Variants in RBFOX1 observed in about 807,000 individuals in gnomAD.
The protein encoded by RBFOX1 is RNA binding protein fox-1 homolog 1.
In RBFOX1, 8 loss-of-function variants were observed where a neutral mutation model predicts 57.7. The ratio of observed to expected loss-of-function variants is 0.14; its 90% confidence interval spans 0.08 to 0.25. The LOEUF (loss-of-function observed/expected upper bound fraction) is 0.25, where lower values mean the gene tolerates loss of function less well. Among genes scored for constraint, RBFOX1 ranks in the 10% least tolerant of loss-of-function variants. The pLI, the probability that RBFOX1 is intolerant of heterozygous loss-of-function variation, is 1.00. For missense variants in RBFOX1, 611 were observed against 548.5 expected (o/e 1.11, Z -1.14); for synonymous variants, 326 against 222.4 (o/e 1.47, Z -4.15).
At chr16:6,033,469 G>A (rs555117423) in intron 1 of RBFOX1, among the ~76,000 whole-genome samples, 37 of 152,190 alleles carry the variant, frequency 2.4e-4, no homozygotes, top group African/African-American at 8.7e-4. Context: ...TATTTTATGC[G>A]AATACAAACA....
intron 1 of RBFOX1, among the ~76,000 whole-genome samples, chr16:6,281,183 C>G (rs1490757298): frequency 8.6e-5 from 13 of 151,960 alleles, no homozygotes; most frequent in African/African-American, 2.9e-4. Flanking sequence ...TAAATTGATA[C>G]TGTGCAGCCA....
At chr16:6,546,041 A>C (rs2153837337) in intron 2 of RBFOX1, among the ~76,000 whole-genome samples, 1 of 152,322 alleles carries the variant, frequency 6.6e-6, no homozygotes. Context: ...ACAAACACTA[A>C]CAATAGCTGA....
At chr16:6,318,691 G>T (rs2081397037) in intron 2 of RBFOX1, among the ~76,000 whole-genome samples, 2 of 152,068 alleles carry the variant, frequency 1.3e-5, no homozygotes, top group East Asian at 3.9e-4. Flanking sequence ...ATGGATGTAA[G>T]GGAGCTCATG....
intron 3 of RBFOX1, among the ~76,000 whole-genome samples, chr16:5,779,065 T>G (rs534136730): frequency 6.6e-6 from 1 of 152,320 alleles, no homozygotes; most frequent in Admixed American, 6.5e-5. Context: ...AGCCTCCAAG[T>G]TATGAACCAT....
At chr16:6,720,909 C>G (rs954433191) in intron 3 of RBFOX1, among the ~76,000 whole-genome samples, 2 of 152,092 alleles carry the variant, frequency 1.3e-5, no homozygotes, top group African/African-American at 2.4e-5. Flanking sequence ...CATGATGCTA[C>G]CATGTTATTA....
Position 6,062,297 on chromosome 16 carries a change from CT to C in RBFOX1, c.-127+42306del, listed in dbSNP as rs367608040. ...GTGATCAACTCCATCTTTAGCCCCC[CT>C]GCCCTCTCAAGAGGTCAAGAGGTAG... is the stretch of plus-strand genomic sequence containing the variant. On this transcript the variant is annotated intron_variant, in intron 1 of 15. Coordinates refer to ENST00000550418, the MANE Select transcript of RBFOX1 (RefSeq NM_018723.4). 1.7e-3 allele frequency among the ~76,000 whole-genome samples: 261 copies of C among 152,072 alleles called. 3 individuals carry two copies. The highest frequency in any genetic ancestry group is 6.1e-3 in the African/African-American group (251 of 41,466).
chr16:7,201,772 C>G (rs901370004), intron 4 of RBFOX1, among the ~76,000 whole-genome samples: 3 of 152,134 alleles, frequency 2.0e-5, no homozygotes, highest in Admixed American at 1.3e-4. Context: ...CGATCTGATT[C>G]TTATTTACAA....
intron 1 of RBFOX1, among the ~76,000 whole-genome samples, chr16:5,362,731 C>A (rs1433053075): frequency 6.6e-6 from 1 of 152,126 alleles, no homozygotes; most frequent in African/African-American, 2.4e-5. Context: ...CGACAACCAC[C>A]ATTTTGCTCT....
At chr16:5,293,553 C>A (rs1331916133) in intron 1 of RBFOX1, among the ~76,000 whole-genome samples, 3 of 152,186 alleles carry the variant, frequency 2.0e-5, no homozygotes, top group African/African-American at 7.2e-5. Context: ...CAAGGTCCAT[C>A]CACATGTAGT....
chr16:6,799,633 C>T (rs1054393212), intron 3 of RBFOX1, among the ~76,000 whole-genome samples: 2 of 152,126 alleles, frequency 1.3e-5, no homozygotes, highest in Non-Finnish European at 2.9e-5. Context: ...ACCATCCAAT[C>T]AGCTGCCAGT....
intron 1 of RBFOX1, among the ~76,000 whole-genome samples, chr16:6,051,398 G>A (rs2095550459): frequency 6.6e-6 from 1 of 152,008 alleles, no homozygotes; most frequent in African/African-American, 2.4e-5. Context: ...CATGATATTG[G>A]CTTACTGCAA....
chr16:6,321,994 G>A (rs1015386411), intron 2 of RBFOX1, among the ~76,000 whole-genome samples: 15 of 152,192 alleles, frequency 9.9e-5, no homozygotes, highest in African/African-American at 2.9e-4. Context: ...ATCAGTCCAC[G>A]TCTCACTCAT....
At position 5,537,761 on chromosome 16, in the gene RBFOX1, G is replaced by C. The variant is rs1380409989; in HGVS notation, c.259-61141G>C. Among the ~76,000 whole-genome samples, 4 of 152,284 alleles carry C rather than the reference G, an allele frequency of 2.6e-5. No individual in the cohort carries two copies. In the East Asian group the frequency reaches 5.8e-4, roughly 22 times the overall value. On this transcript the variant is annotated intron_variant, in intron 2 of 2. Coordinates refer to the RBFOX1 transcript ENST00000585867. Reference sequence around the variant, plus strand: ...GACCCAGTTGGGAAAGGTGCTCTCTGCTTCTAAGACCTCATGTAATTAGAT... The same window carrying C: ...GACCCAGTTGGGAAAGGTGCTCTCTCCTTCTAAGACCTCATGTAATTAGAT...
At chr16:7,255,277 G>A (rs1376809797) in intron 4 of RBFOX1, among the ~76,000 whole-genome samples, 2 of 152,150 alleles carry the variant, frequency 1.3e-5, no homozygotes, top group Admixed American at 6.5e-5. Flanking sequence ...CTTAAACTCT[G>A]TGCTATTTCC....
At chr16:7,069,219 G>T (rs897551314) in intron 4 of RBFOX1, among the ~76,000 whole-genome samples, 2 of 152,048 alleles carry the variant, frequency 1.3e-5, no homozygotes, top group South Asian at 4.1e-4. Flanking sequence ...TAAGTTCCAG[G>T]ATACATGTGC....
intron 2 of RBFOX1, among the ~76,000 whole-genome samples, chr16:6,535,163 A>G (rs926830954): frequency 2.0e-5 from 3 of 152,172 alleles, no homozygotes; most frequent in African/African-American, 7.2e-5. Flanking sequence ...TTTGTCTGGG[A>G]CTTTTTCTGT....
intron 3 of RBFOX1, among the ~76,000 whole-genome samples, chr16:6,774,652 A>G (rs556391169): frequency 6.6e-6 from 1 of 152,322 alleles, no homozygotes; most frequent in Non-Finnish European, 1.5e-5. Flanking sequence ...TATGTCAGGA[A>G]TATATAGAGT....
chr16:7,392,687 A>T (rs1283281551), intron 4 of RBFOX1, among the ~76,000 whole-genome samples: 1 of 152,174 alleles, frequency 6.6e-6, no homozygotes, highest in Non-Finnish European at 1.5e-5. Context: ...TAGCATAAGC[A>T]CAAGGAATTC....
intron 2 of RBFOX1, among the ~76,000 whole-genome samples, chr16:6,627,450 G>C (rs1391024878): frequency 6.6e-6 from 1 of 152,150 alleles, no homozygotes; most frequent in Non-Finnish European, 1.5e-5. Context: ...CATCAGAAAA[G>C]TCTCTATGAT....
Sources: gnomAD v4.1 joint callset for allele counts (sites outside exome capture counted in the v4.1 genomes callset) on GRCh38, gnomAD v4.1.1 for gene constraint, MANE v1.5 for transcripts, NCBI Gene and HGNC (gene_info 2026-07-23, HGNC 2026-07-21) for gene names.